Variants in NXPH2 observed in about 807,000 individuals in gnomAD.
The protein encoded by NXPH2 is neurexophilin-2.
A neutral mutation model predicts 19.8 loss-of-function variants in NXPH2; 5 were observed. The observed-to-expected ratio is 0.25, with a 90% CI of 0.13 to 0.53. The LOEUF is 0.53. NXPH2 is among the 20% of genes least tolerant of loss of function. NXPH2 has a pLI of 0.96. For missense variants in NXPH2, 289 were observed against 322.8 expected (o/e 0.90, Z 0.80); for synonymous variants, 154 against 127.4 (o/e 1.21, Z -1.41).
intron 1 of NXPH2, among the ~76,000 whole-genome samples, chr2:138,704,823 ATTT>A (rs70982013): frequency 1.8e-3 from 254 of 139,482 alleles, no homozygotes; most frequent in East Asian, 1.7e-3. Context: ...CGCCCAGCTA[ATTT>A]TTTTTTTTTT....
At chr2:138,752,720 G>A (rs1227150393) in intron 1 of NXPH2, among the ~76,000 whole-genome samples, 1 of 151,970 alleles carries the variant, frequency 6.6e-6, no homozygotes. Context: ...TTTAGCTATC[G>A]TGTCTCCTGG....
intron 1 of NXPH2, among the ~76,000 whole-genome samples, chr2:138,750,454 A>T (rs1681812359): frequency 6.6e-6 from 1 of 152,212 alleles, no homozygotes; most frequent in Non-Finnish European, 1.5e-5. Flanking sequence ...ATTTTAAGAC[A>T]AGTATTTATC....
chr2:138,766,163 A>T (rs1682088138), intron 1 of NXPH2, among the ~76,000 whole-genome samples: 1 of 152,226 alleles, frequency 6.6e-6, no homozygotes, highest in South Asian at 2.1e-4. Flanking sequence ...CAGAGTTGGC[A>T]CTCAAAGATA....
chr2:138,683,727 C>A (rs1680610096), intron 1 of NXPH2, among the ~76,000 whole-genome samples: 1 of 152,178 alleles, frequency 6.6e-6, no homozygotes, highest in Non-Finnish European at 1.5e-5. Flanking sequence ...TGATTTGTAT[C>A]TACAATCAGT....
intron 1 of NXPH2, among the ~76,000 whole-genome samples, chr2:138,766,142 A>G (rs1682087633): frequency 1.3e-5 from 2 of 152,362 alleles, no homozygotes; most frequent in Admixed American, 1.3e-4. Flanking sequence ...TGCACTGGGC[A>G]CAGTGCCTGA....
chr2:138,731,931 T>C (rs935256877), intron 1 of NXPH2, among the ~76,000 whole-genome samples: 1 of 152,208 alleles, frequency 6.6e-6, no homozygotes, highest in African/African-American at 2.4e-5. Flanking sequence ...AAGATATACA[T>C]TGCCTGAACC....
chr2:138,681,501 T>C (rs1680578967), intron 1 of NXPH2, among the ~76,000 whole-genome samples: 1 of 152,228 alleles, frequency 6.6e-6, no homozygotes, highest in Non-Finnish European at 1.5e-5. Flanking sequence ...ATAGATTGCA[T>C]AGATCACCTA....
intron 1 of NXPH2, among the ~76,000 whole-genome samples, chr2:138,712,564 G>C (rs1323593838): frequency 2.6e-5 from 4 of 152,124 alleles, no homozygotes; most frequent in African/African-American, 9.7e-5. Context: ...CCCAAATTCG[G>C]TGGCAGCACA....
At chr2:138,728,618 A>G (rs1021703913) in intron 1 of NXPH2, among the ~76,000 whole-genome samples, 12 of 152,196 alleles carry the variant, frequency 7.9e-5, no homozygotes, top group Non-Finnish European at 1.8e-4. Flanking sequence ...CCTGAAACAC[A>G]TTCTTCCTTA....
At chr2:138,711,184 G>A (rs1052613765) in intron 1 of NXPH2, among the ~76,000 whole-genome samples, 2 of 111,654 alleles carry the variant, frequency 1.8e-5, no homozygotes, top group African/African-American at 3.4e-5. Flanking sequence ...TCTGTCACCT[G>A]GGCTGGAGTG....
chr2:138,765,926 T>A (rs750875311), intron 1 of NXPH2, among the ~76,000 whole-genome samples: 3 of 152,218 alleles, frequency 2.0e-5, no homozygotes, highest in Non-Finnish European at 4.4e-5. Context: ...TTTCTCTCAT[T>A]ACTTCATTTT....
intron 1 of NXPH2, among the ~76,000 whole-genome samples, chr2:138,717,601 A>G (rs1260701704): frequency 6.6e-6 from 1 of 152,030 alleles, no homozygotes; most frequent in Non-Finnish European, 1.5e-5. Context: ...CTTCCTCTTA[A>G]TGCCATCACC....
At chr2:138,763,719 A>G (rs1558932079) in intron 1 of NXPH2, among the ~76,000 whole-genome samples, 1 of 152,208 alleles carries the variant, frequency 6.6e-6, no homozygotes, top group Non-Finnish European at 1.5e-5. Context: ...CTGTAAGGAA[A>G]GGAAATAAAC....
chr2:138,748,310 A>G (rs77437741), intron 1 of NXPH2, among the ~76,000 whole-genome samples: 4,852 of 152,280 alleles, frequency 0.032, 86 homozygotes, highest in South Asian at 0.04. Flanking sequence ...TAAGGCTTTC[A>G]GTAGTGTTTG....
rs1472177547 is a variant in NXPH2 at position 138,670,771 on chromosome 2, CTT to C, written c.*149_*150del. ...ACAAATTTCACACTTAAAGATGTCT[CTT>C]TTTCTTTTTTTAAATTTGAAAACCT... On this transcript the variant is annotated 3_prime_UTR_variant, in exon 2 of 2. Coordinates refer to ENST00000272641, the MANE Select transcript of NXPH2 (RefSeq NM_007226.3). 10 of 779,452 alleles carry C rather than the reference CTT, an allele frequency of 1.3e-5. No individual in the cohort carries two copies. In the Admixed American group the frequency reaches 1.4e-4, roughly 11 times the overall value. The allele number at this position is 779,452 out of a possible 1,614,324, so 48.3% of individuals were successfully genotyped here.
intron 1 of NXPH2, among the ~76,000 whole-genome samples, chr2:138,771,408 A>G (rs1682174344): frequency 6.6e-6 from 1 of 152,082 alleles, no homozygotes; most frequent in Non-Finnish European, 1.5e-5. Flanking sequence ...TGCCCTGAGT[A>G]TAAGGTATGA....
intron 1 of NXPH2, among the ~76,000 whole-genome samples, chr2:138,768,772 T>TAA (rs1484745434): frequency 3.3e-5 from 5 of 152,246 alleles, no homozygotes; most frequent in Non-Finnish European, 5.9e-5. Flanking sequence ...TTTGTTAAGC[T>TAA]AATGTTATGG....
At chr2:138,721,421 G>A (rs988682945) in intron 1 of NXPH2, among the ~76,000 whole-genome samples, 3 of 151,916 alleles carry the variant, frequency 2.0e-5, no homozygotes, top group Non-Finnish European at 4.4e-5. Context: ...ATTGGAAAGA[G>A]TCTATATGCT....
rs182287536 is a variant in NXPH2 at position 138,711,242 on chromosome 2, G to A, written c.52-39577C>T. On this transcript the variant is annotated intron_variant, in intron 1 of 1. Coordinates refer to ENST00000272641, the MANE Select transcript of NXPH2 (RefSeq NM_007226.3). ...TGCAACCTCCATCTCCCAGGTTCAA[G>A]CGATTCTCCTGCCTCAGCCTCCGGA... Among the ~76,000 whole-genome samples the A allele has an allele frequency of 9.8e-5, 14 of 142,616 alleles. No individual in the cohort carries two copies. In the East Asian group the frequency reaches 3.1e-3, roughly 31 times the overall value. 93.6% of individuals were successfully genotyped at this position (142,616 alleles called of 152,430 possible). A position where few individuals can be genotyped will look rare whatever the true frequency, so the allele number is the denominator to read the frequency against.
Sources: allele counts gnomAD v4.1 joint callset (sites outside exome capture counted in the v4.1 genomes callset), GRCh38; gene constraint gnomAD v4.1.1; transcripts MANE v1.5; gene names NCBI Gene and HGNC (gene_info 2026-07-23, HGNC 2026-07-21).